The following NEGR1 variants were observed in gnomAD, a reference collection of about 807,000 sequenced individuals.
NEGR1 encodes neuronal growth regulator 1.
In NEGR1, 10 loss-of-function variants were observed where a neutral mutation model predicts 40.9. The ratio of observed to expected loss-of-function variants is 0.24; its 90% CI spans 0.15 to 0.42. The LOEUF is 0.42. NEGR1 is among the 10% of genes least tolerant of loss of function. NEGR1 has a pLI of 1.00. For synonymous variants in NEGR1, 185 were observed against 166.8 expected, an observed-to-expected ratio of 1.11 and a Z score of -0.84; for missense variants, 352 against 438.9, an observed-to-expected ratio of 0.80 and a Z score of 1.77.
chr1:71,525,750 C>A (rs1195947445), intron 6 of NEGR1, among the ~76,000 whole-genome samples: 1 of 151,602 alleles, frequency 6.6e-6, no homozygotes, highest in Non-Finnish European at 1.5e-5. Flanking sequence ...GTACAAGATA[C>A]TTGCTATATA....
chr1:71,924,726 G>T (rs1470528695), intron 2 of NEGR1, among the ~76,000 whole-genome samples: 1 of 152,008 alleles, frequency 6.6e-6, no homozygotes, highest in Non-Finnish European at 1.5e-5. Flanking sequence ...ACATTGCTAG[G>T]GTAGAATATA....
Position 72,114,380 on chromosome 1 carries a change from T to C in NEGR1, c.176+167939A>G, listed in dbSNP as rs116055406. On this transcript the variant is annotated intron_variant, in intron 1 of 6. Coordinates refer to ENST00000357731, the MANE Select transcript of NEGR1 (RefSeq NM_173808.3). ...GGACTCAAATTGCCTATCCTGTAGATATTGGACTGACCAAGCCTCCACAAT... is the reference window on the plus strand; with the variant it reads ...GGACTCAAATTGCCTATCCTGTAGACATTGGACTGACCAAGCCTCCACAAT... Among the ~76,000 whole-genome samples the C allele has an allele frequency of 7.4e-3, 1,117 of 151,804 alleles. 8 individuals carry two copies. The highest frequency in any genetic ancestry group is 0.01 in the Admixed American group (159 of 15,184).
intron 2 of NEGR1, among the ~76,000 whole-genome samples, chr1:71,842,070 G>A (rs1449926161): frequency 6.6e-6 from 1 of 152,128 alleles, no homozygotes; most frequent in African/African-American, 2.4e-5. Flanking sequence ...GCAACTCATT[G>A]TCATTGCCTA....
chr1:71,814,927 T>A (rs1014453623), intron 2 of NEGR1, among the ~76,000 whole-genome samples: 1 of 152,142 alleles, frequency 6.6e-6, no homozygotes, highest in Non-Finnish European at 1.5e-5. Context: ...CTGATCTTGG[T>A]TACTTCTTGT....
At chr1:71,428,317 G>T (rs1310733444) in intron 6 of NEGR1, among the ~76,000 whole-genome samples, 5 of 152,162 alleles carry the variant, frequency 3.3e-5, no homozygotes, top group Non-Finnish European at 7.3e-5. Context: ...CTGCTATAAA[G>T]GCAGTCTGTG....
chr1:71,729,710 C>A (rs1654790062), intron 3 of NEGR1, among the ~76,000 whole-genome samples: 1 of 152,138 alleles, frequency 6.6e-6, no homozygotes, highest in South Asian at 2.1e-4. Context: ...TCTTGGCTCA[C>A]TGAAAACTCC....
chr1:72,053,273 C>T (rs1054563553), intron 1 of NEGR1, among the ~76,000 whole-genome samples: 4 of 150,834 alleles, frequency 2.7e-5, no homozygotes, highest in Non-Finnish European at 5.9e-5. Flanking sequence ...AAGACATTGT[C>T]ATCTTATTCA....
At chr1:71,878,375 C>G (rs1660491223) in intron 2 of NEGR1, among the ~76,000 whole-genome samples, 2 of 152,118 alleles carry the variant, frequency 1.3e-5, no homozygotes, top group South Asian at 4.1e-4. Context: ...GAATGCTGGG[C>G]CCCACCCATA....
At chr1:71,904,975 A>G (rs1661236163) in intron 2 of NEGR1, among the ~76,000 whole-genome samples, 1 of 152,142 alleles carries the variant, frequency 6.6e-6, no homozygotes, top group Non-Finnish European at 1.5e-5. Context: ...AATACTGCCT[A>G]CAAATGAATG....
intron 1 of NEGR1, among the ~76,000 whole-genome samples, chr1:72,069,076 A>C (rs536577968): frequency 6.6e-6 from 1 of 152,112 alleles, no homozygotes; most frequent in Non-Finnish European, 1.5e-5. Context: ...TCAACCTAAA[A>C]GGATTTCTTT....
chr1:71,843,983 G>C (rs1376641480), intron 2 of NEGR1, among the ~76,000 whole-genome samples: 1 of 152,096 alleles, frequency 6.6e-6, no homozygotes, highest in Non-Finnish European at 1.5e-5. Context: ...CAGAAAACCA[G>C]GCTAGCCTTC....
chr1:71,513,883 G>A (rs889386141), intron 6 of NEGR1, among the ~76,000 whole-genome samples: 13 of 148,372 alleles, frequency 8.8e-5, no homozygotes, highest in East Asian at 8.1e-4. Context: ...TGCGCGAGCC[G>A]AAGCAGGGCG....
At chr1:72,162,847 ACT>A (rs1491234191) in intron 1 of NEGR1, among the ~76,000 whole-genome samples, 1 of 152,104 alleles carries the variant, frequency 6.6e-6, no homozygotes, top group Non-Finnish European at 1.5e-5. Flanking sequence ...AACAACAAAT[ACT>A]TTTTTGCATA....
At chr1:71,837,296 C>G (rs765855946) in intron 2 of NEGR1, among the ~76,000 whole-genome samples, 2 of 152,102 alleles carry the variant, frequency 1.3e-5, no homozygotes, top group Non-Finnish European at 2.9e-5. Flanking sequence ...TCGTTCCTAA[C>G]AACTCTCTGA....
At chr1:71,629,159 C>A (rs1650888700) in intron 4 of NEGR1, among the ~76,000 whole-genome samples, 2 of 151,932 alleles carry the variant, frequency 1.3e-5, no homozygotes, top group Admixed American at 6.6e-5. Context: ...CTCTAATGAC[C>A]AGTGATAATG....
intron 2 of NEGR1, among the ~76,000 whole-genome samples, chr1:71,906,176 G>T (rs1661269545): frequency 6.6e-6 from 1 of 151,932 alleles, no homozygotes; most frequent in East Asian, 1.9e-4. Flanking sequence ...GCCATTCTTT[G>T]TTCAAATAAA....
chr1:71,686,193 A>C (rs1653031791), intron 4 of NEGR1, among the ~76,000 whole-genome samples: 1 of 152,218 alleles, frequency 6.6e-6, no homozygotes, highest in Non-Finnish European at 1.5e-5. Context: ...GATGTGATGC[A>C]AAATTTTTTA....
intron 4 of NEGR1, among the ~76,000 whole-genome samples, chr1:71,615,922 G>T (rs2101547824): frequency 6.6e-6 from 1 of 152,276 alleles, no homozygotes; most frequent in Non-Finnish European, 1.5e-5. Flanking sequence ...AGAAGCTGAG[G>T]ATAGAATGTA....
At chr1:71,625,033 G>T (rs955869633) in intron 4 of NEGR1, among the ~76,000 whole-genome samples, 4 of 151,948 alleles carry the variant, frequency 2.6e-5, no homozygotes, top group African/African-American at 9.7e-5. Flanking sequence ...GGTGTTTAAA[G>T]AATAAAGTAA....
Sources: gnomAD v4.1 joint callset for allele counts (sites outside exome capture counted in the v4.1 genomes callset) on GRCh38, gnomAD v4.1.1 for gene constraint, MANE v1.5 for transcripts, NCBI Gene and HGNC (gene_info 2026-07-23, HGNC 2026-07-21) for gene names.